The following ZC3H7A variants were observed in gnomAD, a reference collection of about 807,000 sequenced individuals.
The protein encoded by ZC3H7A is zinc finger CCCH domain-containing protein 7A.
A neutral mutation model predicts 125.5 loss-of-function variants in ZC3H7A; 44 were observed. The ratio of observed to expected loss-of-function variants is 0.35; its 90% CI spans 0.28 to 0.45. ZC3H7A has a LOEUF of 0.45. Among genes scored for constraint, ZC3H7A ranks in the 20% least tolerant of loss-of-function variants. The pLI, the probability that ZC3H7A is intolerant of heterozygous loss-of-function variation, is 1.00. For missense variants in ZC3H7A, 977 were observed against 1,170.7 expected, an observed-to-expected ratio of 0.83 and a Z score of 2.41; for synonymous variants, 399 against 391.2, an observed-to-expected ratio of 1.02 and a Z score of -0.23.
chr16:11,766,875 T>A (rs2052868526), intron 13 of ZC3H7A, among the ~76,000 whole-genome samples: 1 of 152,130 alleles, frequency 6.6e-6, no homozygotes, highest in Non-Finnish European at 1.5e-5. Flanking sequence ...AGAATGAGAC[T>A]CTGTCTCAAA....
At chr16:11,776,207 G>C (rs2053077589) in intron 7 of ZC3H7A, 113 bp downstream of exon 7, 4 of 1,023,056 alleles carry the variant, frequency 3.9e-6, no homozygotes, top group Non-Finnish European at 5.8e-6. Flanking sequence ...TTACGTGTTT[G>C]AGGAATTAAA....
chr16:11,762,706 A>G lies in ZC3H7A; in HGVS notation c.2044T>C (p.Trp682Arg). Residue 682 changes from tryptophan to arginine, a missense_variant, in exon 17 of 23, where the codon TGG becomes CGG. This residue lies in a region of ZC3H7A where 436 missense variants were observed against 603.2 expected (regional missense o/e 0.72). Coordinates refer to ENST00000355758, the MANE Select transcript of ZC3H7A (RefSeq NM_014153.4). ...DAIAQESKRY[W>R]QNLEANVPGA... ...GGTACATTTGCTTCCAAATTCTGCC[A>G]ATATCGTTTAGACTCTTGAGCAATA... is the stretch of plus-strand genomic sequence containing the variant. 6.2e-7 allele frequency: 1 copy of G among 1,614,074 alleles called. No individual in the cohort carries two copies. The highest frequency in any genetic ancestry group is 8.5e-7 in the Non-Finnish European group (1 of 1,180,018).
chr16:11,793,296 G>T (rs1421556289), intron 1 of ZC3H7A, among the ~76,000 whole-genome samples: 1 of 152,280 alleles, frequency 6.6e-6, no homozygotes, highest in East Asian at 1.9e-4. Flanking sequence ...ATTTTAGGAG[G>T]CTGAGGTGGG....
chr16:11,752,312 T>C (rs1035063254), intron 22 of ZC3H7A, among the ~76,000 whole-genome samples: 1 of 152,224 alleles, frequency 6.6e-6, no homozygotes. Flanking sequence ...CCATTTCAAA[T>C]CTGATGAACA....
intron 22 of ZC3H7A, 122 bp downstream of exon 22, chr16:11,752,547 G>T: frequency 8.1e-7 from 1 of 1,238,842 alleles, no homozygotes. Context: ...GAATCCTTCA[G>T]GGTCTGTCAG....
rs1048503331 is a variant in ZC3H7A at position 11,762,821 on chromosome 16, C to T, written c.2003-74G>A. The stretch of plus-strand genomic sequence containing the variant: ...GCCCACCAATCTGGGTGCAGTCAGA[C>T]GTGGAGAACCTTCAGCTTCCAATCT... On this transcript the variant is annotated intron_variant, in intron 16 of 22. Transcript: ENST00000355758. 53 of 1,410,110 alleles carry T rather than the reference C, an allele frequency of 3.8e-5. 1 individual carries two copies. In the South Asian group the frequency reaches 3.9e-4, roughly 10 times the overall value. The allele number at this position is 1,410,110 out of a possible 1,614,324, so 87.3% of individuals were successfully genotyped here.
intron 1 of ZC3H7A, among the ~76,000 whole-genome samples, chr16:11,787,925 G>C (rs1487268116): frequency 6.6e-6 from 1 of 151,318 alleles, no homozygotes; most frequent in East Asian, 1.9e-4. Flanking sequence ...CAGCCTGGGG[G>C]ACAAGAGCAA....
At chr16:11,753,820 T>A (rs892977630) in intron 21 of ZC3H7A, 2 of 152,214 alleles carry the variant, frequency 1.3e-5, no homozygotes, top group African/African-American at 4.8e-5. Flanking sequence ...AGCTAATTGT[T>A]TGCATTTTTA....
intron 10 of ZC3H7A, among the ~76,000 whole-genome samples, chr16:11,769,929 A>G (rs550157444): frequency 6.6e-6 from 1 of 150,458 alleles, no homozygotes. Flanking sequence ...AACTGGGATC[A>G]CAGGCACACA....
In ZC3H7A at chr16:11,751,096, G is replaced by A. The variant is rs952201202; in HGVS notation, c.*221C>T. 23 of 454,280 alleles carry A rather than the reference G, an allele frequency of 5.1e-5. No individual in the cohort carries two copies. The highest frequency in any genetic ancestry group is 5.9e-4 in the Middle Eastern group (1 of 1,688). The allele number at this position is 454,280 out of a possible 1,614,324, so 28.1% of individuals were successfully genotyped here. A position where few individuals can be genotyped will look rare whatever the true frequency, so the allele number is the denominator to read the frequency against. On this transcript the variant is annotated 3_prime_UTR_variant, in exon 23 of 23. Coordinates refer to ENST00000355758, the MANE Select transcript of ZC3H7A (RefSeq NM_014153.4). ...AAAGTCTGTTCAACAGATGGCAACC[G>A]GGTAGCAGTCACTTCACCATCTGAT... is the stretch of plus-strand genomic sequence containing the variant.
intron 21 of ZC3H7A, among the ~76,000 whole-genome samples, chr16:11,753,502 T>A (rs903814532): frequency 3.9e-5 from 6 of 152,172 alleles, no homozygotes; most frequent in Non-Finnish European, 7.3e-5. Context: ...AGTATGGTGG[T>A]GCGATCATAG....
At chr16:11,760,208 G>A (rs200121595) in intron 19 of ZC3H7A, among the ~76,000 whole-genome samples, 2 of 150,554 alleles carry the variant, frequency 1.3e-5, no homozygotes, top group East Asian at 3.9e-4. Flanking sequence ...ATAAGCTACT[G>A]TAATGTTGCA....
At chr16:11,788,825 G>T (rs959454243) in intron 1 of ZC3H7A, among the ~76,000 whole-genome samples, 1 of 152,154 alleles carries the variant, frequency 6.6e-6, no homozygotes, top group Non-Finnish European at 1.5e-5. Context: ...TGTTGGTCAG[G>T]CTGGTCTCGA....
At chr16:11,753,217 G>T in intron 21 of ZC3H7A, 1 of 191,112 alleles carries the variant, frequency 5.2e-6, no homozygotes, top group Non-Finnish European at 1.1e-5. Context: ...TCCCTTCAGT[G>T]TACGTGAACT....
At chr16:11,777,222 A>G (rs1480652418) in intron 4 of ZC3H7A, among the ~76,000 whole-genome samples, 2 of 152,132 alleles carry the variant, frequency 1.3e-5, no homozygotes, top group Non-Finnish European at 2.9e-5. Context: ...TCCCTCTCCT[A>G]TTCGCTCCTC....
rs372817253 is a variant in ZC3H7A at position 11,758,555 on chromosome 16, G to T, written c.2320-16C>A. 7.6e-6 allele frequency: 12 copies of T among 1,588,538 alleles called. No individual in the cohort carries two copies. Among genetic ancestry groups the T allele is most frequent in the Admixed American group, 3.4e-5 (2 of 59,488 alleles). Reference sequence around the variant, plus strand: ...GGTTGCACAGCTGTATAAAAAAATAGGAATATGATTAAGACAAAGTACACC... The same window carrying T: ...GGTTGCACAGCTGTATAAAAAAATATGAATATGATTAAGACAAAGTACACC... On this transcript the variant is annotated splice_polypyrimidine_tract_variant and intron_variant, in intron 19 of 22. Coordinates refer to ENST00000355758, the MANE Select transcript of ZC3H7A (RefSeq NM_014153.4).
intron 4 of ZC3H7A, 117 bp from the exon 5 acceptor site, chr16:11,777,026 C>A: frequency 1.4e-6 from 1 of 722,938 alleles, no homozygotes; most frequent in Non-Finnish European, 2.1e-6. Context: ...CTCTAAACTC[C>A]AAGTTAGCAG....
At chr16:11,768,927 A>G (rs1446738492) in intron 11 of ZC3H7A, 104 bp downstream of exon 11, 3 of 1,189,148 alleles carry the variant, frequency 2.5e-6, no homozygotes, top group Non-Finnish European at 3.5e-6. Context: ...TGCAGCACAC[A>G]CAAAATTTAA....
intron 1 of ZC3H7A, among the ~76,000 whole-genome samples, chr16:11,786,568 C>T (rs2053259977): frequency 6.6e-6 from 1 of 152,112 alleles, no homozygotes; most frequent in African/African-American, 2.4e-5. Flanking sequence ...AAAGAGCTGA[C>T]ACCACAAGTA....
Sources: gnomAD v4.1 joint callset for allele counts (sites outside exome capture counted in the v4.1 genomes callset) on GRCh38, gnomAD v4.1.1 for gene constraint, gnomAD v4.1.1 regional missense constraint, MANE v1.5 for transcripts, NCBI Gene and HGNC (gene_info 2026-07-23, HGNC 2026-07-21) for gene names.